Variants in SLC45A3 observed in about 807,000 individuals in gnomAD.
SLC45A3 encodes solute carrier family 45 member 3.
In SLC45A3, 17 loss-of-function variants were observed where a neutral mutation model predicts 35.3. The ratio of observed to expected loss-of-function variants is 0.48; its 90% CI spans 0.33 to 0.72. The LOEUF is 0.72. SLC45A3 is among the 30% of genes least tolerant of loss of function. SLC45A3 has a pLI of 0.02. For missense variants in SLC45A3, 597 were observed against 731.7 expected, an observed-to-expected ratio of 0.82 and a Z score of 2.12; for synonymous variants, 288 against 334.3, an observed-to-expected ratio of 0.86 and a Z score of 1.51.
At chr1:205,676,941 G>A (rs191227667) in intron 1 of SLC45A3, among the ~76,000 whole-genome samples, 1 of 152,324 alleles carries the variant, frequency 6.6e-6, no homozygotes, top group Non-Finnish European at 1.5e-5. Context: ...GCCACTAACT[G>A]TTCAAAGAAA....
intron 1 of SLC45A3, among the ~76,000 whole-genome samples, chr1:205,676,838 C>T (rs1237927798): frequency 6.6e-6 from 1 of 152,232 alleles, no homozygotes; most frequent in African/African-American, 2.4e-5. Flanking sequence ...AACACTCCAG[C>T]TCTATTGCTG....
At chr1:205,677,944 C>T (rs1558038191) in intron 1 of SLC45A3, among the ~76,000 whole-genome samples, 1 of 152,172 alleles carries the variant, frequency 6.6e-6, no homozygotes, top group Non-Finnish European at 1.5e-5. Flanking sequence ...CATTTTGCAG[C>T]CAGGGATACT....
intron 1 of SLC45A3, among the ~76,000 whole-genome samples, chr1:205,670,996 CCT>C (rs1671204793): frequency 6.6e-6 from 1 of 152,172 alleles, no homozygotes; most frequent in Non-Finnish European, 1.5e-5. Context: ...CTTTTGTTGC[CCT>C]GTCTGAGAGC....
At position 205,666,812 on chromosome 1, in the gene SLC45A3, TCCACAGTA is replaced by T. The variant is rs1312660849; in HGVS notation, c.-230-1934_-230-1927del. 6.6e-6 allele frequency among the ~76,000 whole-genome samples: 1 copy of T among 152,214 alleles called. No homozygotes were observed. The highest frequency in any genetic ancestry group is 1.9e-4 in the East Asian group (1 of 5,198). On this transcript the variant is annotated intron_variant, in intron 1 of 4. Transcript: ENST00000367145. This position sits in a 1 kb window ranked among gnomAD's most constrained non-coding sequence, Gnocchi z 4.1. ...AACTTGAGCATCTCATTGCTGCATT[TCCACAGTA>T]CCCCCAAGAAGGAAAGCAGGAGACA...
chr1:205,674,272 C>T (rs912558646), intron 1 of SLC45A3, among the ~76,000 whole-genome samples: 6 of 144,706 alleles, frequency 4.1e-5, no homozygotes, highest in Non-Finnish European at 7.8e-5. Context: ...ACTTCTATAA[C>T]GAAAGATATG....
intron 1 of SLC45A3, among the ~76,000 whole-genome samples, chr1:205,675,720 G>T (rs1418549): frequency 1.3e-5 from 2 of 151,908 alleles, no homozygotes; most frequent in African/African-American, 2.4e-5. Flanking sequence ...TTGCTTCCAA[G>T]GTGGTCACCG....
chr1:205,667,573 C>CTATAA (rs1318681599), intron 1 of SLC45A3, among the ~76,000 whole-genome samples: 2 of 152,020 alleles, frequency 1.3e-5, no homozygotes, highest in Non-Finnish European at 2.9e-5. Context: ...TGGCATGCAC[C>CTATAA]TATAATCCCA....
At chr1:205,660,885 G>A (rs550022056) in intron 4 of SLC45A3, among the ~76,000 whole-genome samples, 7 of 152,158 alleles carry the variant, frequency 4.6e-5, no homozygotes, top group Non-Finnish European at 1.0e-4. Flanking sequence ...CAAAACCTTA[G>A]CCCCTCCCCT....
intron 1 of SLC45A3, among the ~76,000 whole-genome samples, chr1:205,679,539 CG>C (rs1173837095): frequency 3.3e-5 from 5 of 152,166 alleles, no homozygotes; most frequent in Non-Finnish European, 7.4e-5. Context: ...AGAAGCTGCA[CG>C]GGATGCCTAG....
At chr1:205,673,916 T>C (rs184108875) in intron 1 of SLC45A3, among the ~76,000 whole-genome samples, 1 of 152,312 alleles carries the variant, frequency 6.6e-6, no homozygotes, top group East Asian at 1.9e-4. Context: ...CAGACAGCAC[T>C]GAAACCCACC....
chr1:205,678,179 T>A (rs186231462), intron 1 of SLC45A3, among the ~76,000 whole-genome samples: 3 of 152,162 alleles, frequency 2.0e-5, no homozygotes, highest in Admixed American at 1.3e-4. Flanking sequence ...TAGCCAGGCA[T>A]GGTGGTGGGT....
In SLC45A3 at chr1:205,662,729, G is replaced by C; in HGVS notation, c.958+104C>G. ...GGTCCATCCCCACTTTCCTGACAGA[G>C]AAGTCGGGGCCAGGATGGAGAGGCA... On this transcript the variant is annotated intron_variant, in intron 3 of 4. Coordinates refer to ENST00000367145, the MANE Select transcript of SLC45A3 (RefSeq NM_033102.3). The surrounding 1 kb of genome is among the most constrained non-coding windows in gnomAD (Gnocchi z 6.2). The C allele has an allele frequency of 6.7e-7, 1 of 1,486,330 alleles. No individual in the cohort carries two copies. 92.1% of individuals were successfully genotyped at this position (1,486,330 alleles called of 1,614,324 possible).
At position 205,658,953 on chromosome 1, in the gene SLC45A3, G is replaced by A. The variant is rs1428058990; in HGVS notation, c.*281C>T. On this transcript the variant is annotated 3_prime_UTR_variant, in exon 5 of 5. Coordinates refer to ENST00000367145, the MANE Select transcript of SLC45A3 (RefSeq NM_033102.3). ...CCACCTGCAGAGTCCCCGCATTCCA[G>A]TGCATGGAGCCCTTCTGGCCTCCCT... 4.7e-6 allele frequency: 2 copies of A among 423,918 alleles called. No individual in the cohort carries two copies. The highest frequency in any genetic ancestry group is 7.8e-5 in the East Asian group (2 of 25,748). 26.3% of individuals were successfully genotyped at this position (423,918 alleles called of 1,614,324 possible).
intron 4 of SLC45A3, among the ~76,000 whole-genome samples, chr1:205,660,576 G>A (rs1389319814): frequency 2.6e-5 from 4 of 152,086 alleles, no homozygotes; most frequent in African/African-American, 7.2e-5. Context: ...GGCAGACAGC[G>A]TGCAGTGCCA....
At position 205,662,410 on chromosome 1, in the gene SLC45A3, C is replaced by G; in HGVS notation, c.959-284G>C. The G allele has an allele frequency of 2.9e-6, 4 of 1,356,948 alleles. No individual in the cohort carries two copies. The highest frequency in any genetic ancestry group is 3.8e-6 in the Non-Finnish European group (4 of 1,057,494). 84.1% of individuals were successfully genotyped at this position (1,356,948 alleles called of 1,614,324 possible). A position where few individuals can be genotyped will look rare whatever the true frequency, so the allele number is the denominator to read the frequency against. The stretch of plus-strand genomic sequence containing the variant: ...GAGGACAGGCGGGTGAGAGGGAACA[C>G]AAAGACAGCTGGCCATAGGCTTCAA... On this transcript the variant is annotated intron_variant, in intron 3 of 4. Coordinates refer to ENST00000367145, the MANE Select transcript of SLC45A3 (RefSeq NM_033102.3). The surrounding 1 kb of genome is among the most constrained non-coding windows in gnomAD (Gnocchi z 6.2).
intron 1 of SLC45A3, among the ~76,000 whole-genome samples, chr1:205,673,579 T>C (rs1290786151): frequency 1.3e-5 from 2 of 152,194 alleles, no homozygotes; most frequent in African/African-American, 2.4e-5. Flanking sequence ...AACCTACAGA[T>C]GGGCAGTGCC....
intron 1 of SLC45A3, among the ~76,000 whole-genome samples, chr1:205,670,759 G>A (rs911349293): frequency 1.3e-5 from 2 of 152,168 alleles, no homozygotes; most frequent in East Asian, 1.9e-4. Context: ...AACTCTCTCC[G>A]GCTGCCAGCG....
rs1199717510 is a variant in SLC45A3, at chr1:205,666,363, C to T, written c.-230-1477G>A. The stretch of plus-strand genomic sequence containing the variant: ...TCTCTACAAAAAATTTAAAAATTAT[C>T]CAGGCGTGGTAGTATGCACCTGTGG... On this transcript the variant is annotated intron_variant, in intron 1 of 4. Coordinates refer to ENST00000367145, the MANE Select transcript of SLC45A3 (RefSeq NM_033102.3). The surrounding 1 kb of genome is among the most constrained non-coding windows in gnomAD (Gnocchi z 4.1). 6.6e-6 allele frequency among the ~76,000 whole-genome samples: 1 copy of T among 152,126 alleles called. No individual in the cohort carries two copies. The highest frequency in any genetic ancestry group is 1.5e-5 in the Non-Finnish European group (1 of 68,008).
intron 1 of SLC45A3, among the ~76,000 whole-genome samples, chr1:205,667,439 G>A (rs563688777): frequency 1.3e-5 from 2 of 152,068 alleles, no homozygotes; most frequent in South Asian, 2.1e-4. Context: ...CCTGGGAGGC[G>A]GAGGTTGCAG....
Sources: allele counts gnomAD v4.1 joint callset (sites outside exome capture counted in the v4.1 genomes callset), GRCh38; gene constraint gnomAD v4.1.1; non-coding constraint Gnocchi (gnomAD v3.1); transcripts MANE v1.5; gene names NCBI Gene and HGNC (gene_info 2026-07-23, HGNC 2026-07-21).